NXN: variants seen among roughly 807,000 people sequenced by gnomAD.
NXN encodes nucleoredoxin, also known as nucleoredoxin 1.
A neutral mutation model predicts 48.6 loss-of-function variants in NXN; 16 were observed. The observed-to-expected ratio is 0.33, with a 90% confidence interval of 0.22 to 0.50. NXN has a LOEUF of 0.50. Ranked by LOEUF, NXN falls within the 20% of genes least tolerant of loss-of-function variation. The pLI is 0.98. For missense variants in NXN, 492 were observed against 605.5 expected (o/e 0.81, Z 1.97); for synonymous variants, 281 against 269.6 (o/e 1.04, Z -0.41).
chr17:879,577 G>A (rs1413359462), intron 1 of NXN, among the ~76,000 whole-genome samples: 3 of 151,936 alleles, frequency 2.0e-5, no homozygotes, highest in East Asian at 1.9e-4. Context: ...ATGAGCCACC[G>A]CGCCCGGCCA....
At chr17:839,465 T>C (rs1597649887) in intron 1 of NXN, among the ~76,000 whole-genome samples, 1 of 150,784 alleles carries the variant, frequency 6.6e-6, no homozygotes, top group South Asian at 2.1e-4. Context: ...AAATAAAACA[T>C]AGGAAGTGTT....
At chr17:835,413 A>T (rs529906289) in intron 1 of NXN, among the ~76,000 whole-genome samples, 2 of 152,140 alleles carry the variant, frequency 1.3e-5, no homozygotes, top group Admixed American at 1.3e-4. Flanking sequence ...GAGAACAAAG[A>T]AAAAAAACAA....
At chr17:936,662 G>T (rs2068910942) in intron 1 of NXN, among the ~76,000 whole-genome samples, 1 of 150,910 alleles carries the variant, frequency 6.6e-6, no homozygotes, top group Admixed American at 6.7e-5. Context: ...AAAAAAGGGT[G>T]CTACGATGTC....
chr17:812,110 A>G (rs7212312), intron 5 of NXN, among the ~76,000 whole-genome samples: 103,321 of 148,968 alleles, frequency 0.69, 37,506 homozygotes, highest in African/African-American at 0.9. Context: ...TGTATTTTTA[A>G]TAGAGACGGG....
rs1472696496 is a variant in NXN, at chr17:923,871, G to A, written c.360+55448C>T. Among the ~76,000 whole-genome samples, 5 of 152,198 alleles carry A rather than the reference G, an allele frequency of 3.3e-5. No individual in the cohort carries two copies. The East Asian group carries it at 9.6e-4, about 29-fold the overall frequency. On this transcript the variant is annotated intron_variant, in intron 1 of 7. Coordinates refer to ENST00000336868, the MANE Select transcript of NXN (RefSeq NM_022463.5). ...TGAAACACTTGGTAATATTTGATGAGCGAGGAGAATATTCGTGAGATAGTT... is the reference window on the plus strand; with the variant it reads ...TGAAACACTTGGTAATATTTGATGAACGAGGAGAATATTCGTGAGATAGTT...
chr17:866,303 C>T (rs1298818647), intron 1 of NXN, among the ~76,000 whole-genome samples: 1 of 152,058 alleles, frequency 6.6e-6, no homozygotes, highest in Non-Finnish European at 1.5e-5. Context: ...AAACTTAAGG[C>T]TGGGCGCAGT....
At chr17:957,932 G>A (rs757872492) in intron 1 of NXN, among the ~76,000 whole-genome samples, 1 of 152,054 alleles carries the variant, frequency 6.6e-6, no homozygotes, top group Non-Finnish European at 1.5e-5. Flanking sequence ...TATGTTCCTG[G>A]GGCTCTGCCA....
At chr17:877,501 G>A (rs1396768083) in intron 1 of NXN, among the ~76,000 whole-genome samples, 1 of 152,134 alleles carries the variant, frequency 6.6e-6, no homozygotes, top group Non-Finnish European at 1.5e-5. Flanking sequence ...TTCCTTCTAC[G>A]TGTGAAGCCC....
intron 1 of NXN, among the ~76,000 whole-genome samples, chr17:829,659 C>T (rs1337631815): frequency 6.6e-6 from 1 of 152,006 alleles, no homozygotes; most frequent in Non-Finnish European, 1.5e-5. Context: ...GTGTGATGTT[C>T]CCCTCCCTGT....
intron 1 of NXN, among the ~76,000 whole-genome samples, chr17:970,373 G>A (rs1176094933): frequency 6.6e-6 from 1 of 151,930 alleles, no homozygotes; most frequent in Admixed American, 6.6e-5. Context: ...CAGCCTGCAG[G>A]CTTTCCGTAG....
chr17:907,055 T>C (rs1300969610), intron 1 of NXN, among the ~76,000 whole-genome samples: 4 of 148,424 alleles, frequency 2.7e-5, no homozygotes, highest in African/African-American at 9.9e-5. Flanking sequence ...AGTCCCCTAG[T>C]ACAGTTACCA....
chr17:807,600 G>A (rs1320325534), intron 5 of NXN, among the ~76,000 whole-genome samples: 2 of 138,588 alleles, frequency 1.4e-5, no homozygotes, highest in African/African-American at 2.8e-5. Context: ...CTTCTGAGGA[G>A]CACTCAGGGG....
At chr17:833,015 C>T (rs542967815) in intron 1 of NXN, among the ~76,000 whole-genome samples, 41 of 152,118 alleles carry the variant, frequency 2.7e-4, no homozygotes, top group Middle Eastern at 3.4e-3. Flanking sequence ...CTCAGCCTCC[C>T]GAGTAGCTGG....
chr17:862,801 C>A (rs530909416), intron 1 of NXN, among the ~76,000 whole-genome samples: 1 of 152,294 alleles, frequency 6.6e-6, no homozygotes. Context: ...GCATTCCTGC[C>A]AGAAATGTTT....
At chr17:812,771 T>C (rs1007585997) in intron 5 of NXN, among the ~76,000 whole-genome samples, 3 of 146,602 alleles carry the variant, frequency 2.0e-5, no homozygotes, top group Admixed American at 1.4e-4. Context: ...TGTGTGAGTG[T>C]AGGTGTGTGC....
At position 932,891 on chromosome 17, in the gene NXN, G is replaced by A. The variant is rs879800374; in HGVS notation, c.360+46428C>T. On this transcript the variant is annotated intron_variant, in intron 1 of 7. Coordinates refer to ENST00000336868, the MANE Select transcript of NXN (RefSeq NM_022463.5). This position sits in a 1 kb window ranked among gnomAD's most constrained non-coding sequence, Gnocchi z 4.1. ...TCGAACTCCTGACCTCAGGTGATCC[G>A]CCCGCCTCGGCCTCCCTCAGTACTG... 1.3e-5 allele frequency among the ~76,000 whole-genome samples: 2 copies of A among 152,118 alleles called. No homozygotes were observed. Among genetic ancestry groups the A allele is most frequent in the African/African-American group, 4.8e-5 (2 of 41,426 alleles).
chr17:843,821 G>A (rs1004618564), intron 1 of NXN, among the ~76,000 whole-genome samples: 1 of 152,174 alleles, frequency 6.6e-6, no homozygotes, highest in Non-Finnish European at 1.5e-5. Context: ...TGGGAGATGG[G>A]CCATCACACG....
chr17:955,771 G>A (rs980613168), intron 1 of NXN, among the ~76,000 whole-genome samples: 12 of 151,848 alleles, frequency 7.9e-5, no homozygotes, highest in East Asian at 2.0e-4. Context: ...GCGTGGTGGC[G>A]GGCGCCTGTA....
At chr17:948,535 C>T (rs377235090) in intron 1 of NXN, among the ~76,000 whole-genome samples, 1 of 152,020 alleles carries the variant, frequency 6.6e-6, no homozygotes, top group African/African-American at 2.4e-5. Flanking sequence ...CTGTACAGGG[C>T]CCGGCCCTGC....
Sources: gnomAD v4.1 joint callset for allele counts (sites outside exome capture counted in the v4.1 genomes callset) on GRCh38, gnomAD v4.1.1 for gene constraint, Gnocchi (gnomAD v3.1) non-coding constraint, MANE v1.5 for transcripts, NCBI Gene and HGNC (gene_info 2026-07-23, HGNC 2026-07-21) for gene names.